Variants in TLN1 observed in about 807,000 individuals in gnomAD.
TLN1 encodes talin 1.
A neutral mutation model predicts 292.3 loss-of-function variants in TLN1; 56 were observed. That is an observed-to-expected ratio of 0.19 (90% CI 0.15 to 0.24). The LOEUF (loss-of-function observed/expected upper bound fraction) is 0.24. TLN1 is among the 10% of genes least tolerant of loss of function. TLN1 has a pLI of 1.00. For missense variants in TLN1, 2,433 were observed against 3,248.2 expected (o/e 0.75, Z 6.10); for synonymous variants, 1,119 against 1,253.7 (o/e 0.89, Z 2.27).
At position 35,711,011 on chromosome 9, in the gene TLN1, T is replaced by C. The variant is rs1257016674; in HGVS notation, c.4091A>G (p.Asp1364Gly). ...TACCTCCAATTCCCGCAGGGCGTTATCACACTCCTTCTGGCCGGGTGCCTG... is the reference window on the plus strand; with the variant it reads ...TACCTCCAATTCCCGCAGGGCGTTACCACACTCCTTCTGGCCGGGTGCCTG... ...TQQAPGQKECDNALRELETVR... is the reference protein window; with the variant it reads ...TQQAPGQKECGNALRELETVR... Residue 1364 changes from aspartate to glycine, a missense_variant, in exon 31 of 57, where the codon GAT becomes GGT. This residue lies in a region of TLN1 where 1,384 missense variants were observed against 1,699.6 expected (regional missense o/e 0.81). Transcript: ENST00000314888. 6.2e-7 allele frequency: 1 copy of C among 1,614,094 alleles called. No homozygotes were observed. Among genetic ancestry groups the C allele is most frequent in the African/African-American group, 1.3e-5 (1 of 74,930 alleles).
At position 35,722,200 on chromosome 9, in the gene TLN1, C is replaced by T; in HGVS notation, c.867G>A (p.Met289Ile). 6.2e-7 allele frequency: 1 copy of T among 1,614,210 alleles called. No individual in the cohort carries two copies. ...AGCGGACCTTGGCCTCAATCTCACT[C>T]ATCTGCCCACAATTCTTGTGTGCCT... Reference protein sequence around the residue: ...IFQAHKNCGQMSEIEAKVRYV... With the variant: ...IFQAHKNCGQISEIEAKVRYV... Residue 289 changes from methionine (M) to isoleucine (I), a missense_variant, in exon 9 of 57, where the codon ATG (methionine) becomes ATA (isoleucine). Transcript: ENST00000314888.
Position 35,714,942 on chromosome 9 carries a change from C to G in TLN1, c.2755-66G>C. The G allele has an allele frequency of 6.2e-7, 1 of 1,607,776 alleles. No individual in the cohort carries two copies. The highest frequency in any genetic ancestry group is 8.5e-7 in the Non-Finnish European group (1 of 1,177,536). On this transcript the variant is annotated intron_variant, in intron 21 of 56. Transcript: ENST00000314888. The surrounding 1 kb of genome is among the most constrained non-coding windows in gnomAD (Gnocchi z 4.6). ...CATGCCCAGCCCAGTCCCTGGCCTA[C>G]CTTGCCCAGGTTATGCCTCAAGGAC...
intron 28 of TLN1, 83 bp from the exon 29 acceptor site, chr9:35,711,875 G>A (rs1228068373): frequency 6.3e-7 from 1 of 1,599,450 alleles, no homozygotes; most frequent in Non-Finnish European, 8.5e-7. Flanking sequence ...GAAAAGGTGG[G>A]CACATAGCCT....
chr9:35,707,685 A>G lies in TLN1; in HGVS notation c.4632+46T>C. ...GAATAACTGGGGGACTCGGGGGAGA[A>G]GATAGGACAGGTCAGGGAGAGGCTG... On this transcript the variant is annotated intron_variant, in intron 35 of 56. Coordinates refer to ENST00000314888, the MANE Select transcript of TLN1 (RefSeq NM_006289.4). This position sits in a 1 kb window ranked among gnomAD's most constrained non-coding sequence, Gnocchi z 5.6. 4 of 1,612,896 alleles carry G rather than the reference A, an allele frequency of 2.5e-6. No individual in the cohort carries two copies. The highest frequency in any genetic ancestry group is 3.4e-6 in the Non-Finnish European group (4 of 1,179,126).
intron 33 of TLN1, 87 bp from the exon 34 acceptor site, chr9:35,708,571 G>A: frequency 7.4e-7 from 1 of 1,343,106 alleles, no homozygotes. Flanking sequence ...GAGAGCAGAG[G>A]TAAGTTTAGA....
At position 35,716,470 on chromosome 9, in the gene TLN1, C is replaced by T. The variant is rs762831961; in HGVS notation, c.2545G>A (p.Asp849Asn). The T allele has an allele frequency of 4.3e-6, 7 of 1,614,242 alleles. No individual in the cohort carries two copies. Among genetic ancestry groups the T allele is most frequent in the East Asian group, 2.2e-5 (1 of 44,892 alleles). Reference sequence around the variant, plus strand: ...AAGAGCTTGCGGGAGTTCTCCAGATCACTTTCCCCCTCAGCATCAGCCTTG... The same window carrying T: ...AAGAGCTTGCGGGAGTTCTCCAGATTACTTTCCCCCTCAGCATCAGCCTTG... ...AIKADAEGESDLENSRKLLSA... is the reference protein window; with the variant it reads ...AIKADAEGESNLENSRKLLSA... The change falls in exon 20 of 57, where the codon GAT becomes AAT. Residue 849 changes from aspartate (D) to asparagine (N), a missense_variant. By Grantham distance (23) the Asp-to-Asn change is conservative. Around this residue, in one of 7 missense-constraint regions of TLN1, gnomAD observed 617 missense variants for 770.6 expected, o/e 0.80. Transcript: ENST00000314888.
In TLN1 at chr9:35,703,894, G is replaced by C. The variant is rs750600117; in HGVS notation, c.6238C>G (p.Leu2080Val). ...GCTACATCTTTCACTGCGTTGATTAGTACCACCTGTGTGGGAAAGCGTTGG... is the reference window on the plus strand; with the variant it reads ...GCTACATCTTTCACTGCGTTGATTACTACCACCTGTGTGGGAAAGCGTTGG... ...GAEDPETQVV[L>V]INAVKDVAKA... is the part of the protein sequence containing the mutation. The change falls in exon 47 of 57, where the codon CTA becomes GTA. Residue 2080 changes from leucine to valine, a missense_variant. By Grantham distance (32) the Leu-to-Val change is conservative (BLOSUM62 1). This residue lies in a region of TLN1 where 1,384 missense variants were observed against 1,699.6 expected (regional missense o/e 0.81). Transcript: ENST00000314888. 3 of 1,614,186 alleles carry C rather than the reference G, an allele frequency of 1.9e-6. No homozygotes were observed. The South Asian group carries it at 3.3e-5, about 18-fold the overall frequency.
chr9:35,707,996 A>G lies in TLN1; in HGVS notation c.4471-104T>C. On this transcript the variant is annotated intron_variant, in intron 34 of 56. Transcript: ENST00000314888. The surrounding 1 kb of genome is among the most constrained non-coding windows in gnomAD (Gnocchi z 5.6). ...GGGGATGGAGAGCAATACCCTGAGG[A>G]GTCAAAACAGGAATAACAGAGTCAC... 1 of 1,333,640 alleles carries G rather than the reference A, an allele frequency of 7.5e-7. No homozygotes were observed. The highest frequency in any genetic ancestry group is 1.0e-6 in the Non-Finnish European group (1 of 967,388). 82.6% of individuals were successfully genotyped at this position (1,333,640 alleles called of 1,614,324 possible). A position where few individuals can be genotyped will look rare whatever the true frequency, so the allele number is the denominator to read the frequency against.
At chr9:35,725,023 A>G in intron 3 of TLN1, 64 bp from the exon 4 acceptor site, 1 of 1,609,062 alleles carries the variant, frequency 6.2e-7, no homozygotes, top group East Asian at 2.2e-5. Context: ...TCCTCTTTAC[A>G]CAGCCCGAGG....
chr9:35,704,571 A>C lies in TLN1; in HGVS notation c.5881-73T>G. 1.9e-6 allele frequency: 3 copies of C among 1,585,222 alleles called. No individual in the cohort carries two copies. The highest frequency in any genetic ancestry group is 2.6e-6 in the Non-Finnish European group (3 of 1,163,902). ...TGGAAAGGTTGCCCATGCCTGGGAG[A>C]AGTGACAACAGGAGAGGGCTGAGAG... On this transcript the variant is annotated intron_variant, in intron 44 of 56. Transcript: ENST00000314888. This position sits in a 1 kb window ranked among gnomAD's most constrained non-coding sequence, Gnocchi z 6.9.
Position 35,700,187 on chromosome 9 carries a change from C to T in TLN1, c.6660+4G>A, listed in dbSNP as rs185621543. 1.1e-4 allele frequency: 175 copies of T among 1,598,088 alleles called. 1 individual carries two copies. Among genetic ancestry groups the T allele is most frequent in the Admixed American group, 7.5e-4 (45 of 59,720 alleles). On this transcript the variant is annotated splice_donor_region_variant and intron_variant, in intron 49 of 56. Coordinates refer to ENST00000314888, the MANE Select transcript of TLN1 (RefSeq NM_006289.4). ...CCTCACGGAAATGCCTCAAGGATTT[C>T]TACCTTGCAAGCCCGAAGCATATCT... is the stretch of plus-strand genomic sequence containing the variant.
intron 1 of TLN1, among the ~76,000 whole-genome samples, chr9:35,729,121 G>A (rs576584834): frequency 7.9e-5 from 12 of 152,138 alleles, no homozygotes; most frequent in Admixed American, 2.0e-4. Context: ...CTTACAGTAG[G>A]TGTCATTATT....
At chr9:35,718,762 A>G (rs753662082) in intron 17 of TLN1, 50 bp downstream of exon 17, 2 of 1,527,844 alleles carry the variant, frequency 1.3e-6, no homozygotes, top group Admixed American at 3.5e-5. Flanking sequence ...TCACGAGCAG[A>G]AGTTACTTCC....
At position 35,722,210 on chromosome 9, in the gene TLN1, C is replaced by G; in HGVS notation, c.857G>C (p.Cys286Ser). Reference sequence around the variant, plus strand: ...GGCCTCAATCTCACTCATCTGCCCACAATTCTTGTGTGCCTGTGCATAAAA... The same window carrying G: ...GGCCTCAATCTCACTCATCTGCCCAGAATTCTTGTGTGCCTGTGCATAAAA... ...ERKIFQAHKNCGQMSEIEAKV... is the reference protein window; with the variant it reads ...ERKIFQAHKNSGQMSEIEAKV... The change falls in exon 9 of 57, where the codon TGT (cysteine) becomes TCT (serine). Residue 286 changes from cysteine (C) to serine (S), a missense_variant. This residue lies in a region of TLN1 where 78 missense variants were observed against 88.8 expected (regional missense o/e 0.88). Coordinates refer to ENST00000314888, the MANE Select transcript of TLN1 (RefSeq NM_006289.4). 2 of 1,614,178 alleles carry G rather than the reference C, an allele frequency of 1.2e-6. No homozygotes were observed. The highest frequency in any genetic ancestry group is 1.7e-6 in the Non-Finnish European group (2 of 1,180,014).
At chr9:35,710,413 C>A in intron 33 of TLN1, 148 bp downstream of exon 33, 2 of 1,122,666 alleles carry the variant, frequency 1.8e-6, no homozygotes, top group Non-Finnish European at 2.5e-6. Context: ...TGACAAGTGT[C>A]TCCACTTCAG....
At chr9:35,712,163 G>T in intron 27 of TLN1, 39 bp from the exon 28 acceptor site, 2 of 1,592,856 alleles carry the variant, frequency 1.3e-6, no homozygotes, top group Non-Finnish European at 1.7e-6. Context: ...CAAGTGAAAA[G>T]AATTTGAGAG....
Position 35,724,613 on chromosome 9 carries a change from T to C in TLN1, c.470A>G (p.Lys157Arg), listed in dbSNP as rs1431227433. 6.2e-7 allele frequency: 1 copy of C among 1,614,120 alleles called. No individual in the cohort carries two copies. The highest frequency in any genetic ancestry group is 2.2e-5 in the East Asian group (1 of 44,898). Residue 157 changes from lysine (K) to arginine (R), a missense_variant, in exon 5 of 57, where the codon AAG becomes AGG. Transcript: ENST00000314888. This position sits in a 1 kb window ranked among gnomAD's most constrained non-coding sequence, Gnocchi z 4.7. ...KDKTLLRDEK[K>R]MEKLKQKLHT... is the part of the protein sequence containing the mutation. ...CAATTTCTGCTTTAGTTTCTCCATC[T>C]TCTTTTCATCTCGCAGCAATGTCTT...
chr9:35,719,921 C>T lies in TLN1; in HGVS notation c.1465-68G>A. On this transcript the variant is annotated intron_variant, in intron 13 of 56. Transcript: ENST00000314888. This position sits in a 1 kb window ranked among gnomAD's most constrained non-coding sequence, Gnocchi z 4.6. The stretch of plus-strand genomic sequence containing the variant: ...GGAGAAAAGAGAAGGTAAAAGAGAA[C>T]CAGGGTCTAGGGAGAGAATACAAAT... 1 of 1,576,526 alleles carries T rather than the reference C, an allele frequency of 6.3e-7. No homozygotes were observed. Among genetic ancestry groups the T allele is most frequent in the East Asian group, 2.3e-5 (1 of 43,430 alleles).
At chr9:35,713,713 G>T (rs1172206333) in intron 25 of TLN1, among the ~76,000 whole-genome samples, 3 of 131,684 alleles carry the variant, frequency 2.3e-5, no homozygotes, top group African/African-American at 5.7e-5. Context: ...GAACGGAAAA[G>T]AAAAGAAAAG....
Sources: allele counts gnomAD v4.1 joint callset (sites outside exome capture counted in the v4.1 genomes callset), GRCh38; gene constraint gnomAD v4.1.1; regional missense constraint gnomAD v4.1.1; non-coding constraint Gnocchi (gnomAD v3.1); transcripts MANE v1.5; gene names NCBI Gene and HGNC (gene_info 2026-07-23, HGNC 2026-07-21).